Variants in KCNK9 observed in about 807,000 individuals in gnomAD.
The protein encoded by KCNK9 is potassium channel subfamily K member 9.
A neutral mutation model predicts 10.8 loss-of-function variants in KCNK9; 1 was observed. That is an observed-to-expected ratio of 0.09 (90% CI 0.03 to 0.44). The LOEUF is 0.44. KCNK9 is among the 20% of genes least tolerant of loss of function. The pLI is 0.97. For missense variants in KCNK9, 303 were observed against 515.0 expected, an observed-to-expected ratio of 0.59 and a Z score of 3.98; for synonymous variants, 231 against 222.7, an observed-to-expected ratio of 1.04 and a Z score of -0.33.
At chr8:139,671,112 G>A (rs1484344760) in intron 1 of KCNK9, among the ~76,000 whole-genome samples, 1 of 152,238 alleles carries the variant, frequency 6.6e-6, no homozygotes, top group Non-Finnish European at 1.5e-5. Flanking sequence ...CCAGAAGGAA[G>A]CGTAACCACA....
At chr8:139,610,813 C>T (rs1814400951), downstream of KCNK9, among the ~76,000 whole-genome samples, 1 of 152,206 alleles carries the variant, frequency 6.6e-6, no homozygotes, top group Non-Finnish European at 1.5e-5. Context: ...AGAAGAGTGG[C>T]TTGAATGACT....
chr8:139,700,485 TACACAC>T (rs374444340), intron 1 of KCNK9, among the ~76,000 whole-genome samples: 50 of 142,870 alleles, frequency 3.5e-4, no homozygotes, highest in Admixed American at 1.0e-3. Context: ...CACATACACA[TACACAC>T]ACACACACAC....
chr8:139,614,317 G>A (rs980757467), downstream of KCNK9, among the ~76,000 whole-genome samples: 1 of 152,160 alleles, frequency 6.6e-6, no homozygotes, highest in South Asian at 2.1e-4. Context: ...TTGATGGGTG[G>A]GGTTTTAATG....
intron 1 of KCNK9, among the ~76,000 whole-genome samples, chr8:139,666,526 G>A (rs1191031192): frequency 6.6e-6 from 1 of 152,214 alleles, no homozygotes. Flanking sequence ...GGATCCATCA[G>A]TCACCAAAAG....
At chr8:139,696,473 G>T (rs1347328339) in intron 1 of KCNK9, among the ~76,000 whole-genome samples, 1 of 152,226 alleles carries the variant, frequency 6.6e-6, no homozygotes, top group African/African-American at 2.4e-5. Flanking sequence ...CTTCATGGAG[G>T]CCATTGAGGC....
chr8:139,695,147 C>T (rs1183401303), intron 1 of KCNK9, among the ~76,000 whole-genome samples: 1 of 152,212 alleles, frequency 6.6e-6, no homozygotes, highest in Non-Finnish European at 1.5e-5. Flanking sequence ...TGGGACCATA[C>T]CAATGCAAGA....
intron 2 of KCNK9, among the ~76,000 whole-genome samples, chr8:139,603,861 T>C (rs1217125368): frequency 6.6e-6 from 1 of 152,088 alleles, no homozygotes; most frequent in Non-Finnish European, 1.5e-5. Context: ...AGAAGAGAAA[T>C]AGAAATTGCC....
intron 1 of KCNK9, among the ~76,000 whole-genome samples, chr8:139,640,086 A>G (rs1252821784): frequency 6.6e-6 from 1 of 151,442 alleles, no homozygotes; most frequent in Non-Finnish European, 1.5e-5. Context: ...CTCATCCCTG[A>G]CCTCCCAGGC....
chr8:139,656,466 C>A (rs543242181), intron 1 of KCNK9, among the ~76,000 whole-genome samples: 1 of 152,128 alleles, frequency 6.6e-6, no homozygotes, highest in African/African-American at 2.4e-5. Context: ...CTGTCCTGGG[C>A]GCGCTTGCCT....
chr8:139,653,369 G>A (rs1484195799), intron 1 of KCNK9, among the ~76,000 whole-genome samples: 1 of 152,038 alleles, frequency 6.6e-6, no homozygotes, highest in Admixed American at 6.6e-5. Context: ...TTAAGCCTAA[G>A]CAAAATTGAG....
At chr8:139,667,158 G>A (rs750584304) in intron 1 of KCNK9, among the ~76,000 whole-genome samples, 3 of 152,322 alleles carry the variant, frequency 2.0e-5, no homozygotes, top group South Asian at 2.1e-4. Context: ...AGAAGCGCCC[G>A]AGTGGGCTGG....
chr8:139,686,507 G>A (rs1442041195), intron 1 of KCNK9, among the ~76,000 whole-genome samples: 1 of 152,152 alleles, frequency 6.6e-6, no homozygotes, highest in African/African-American at 2.4e-5. Flanking sequence ...ACAGACATAT[G>A]AAAAAATGCA....
intron 1 of KCNK9, among the ~76,000 whole-genome samples, chr8:139,662,817 G>A (rs1816192054): frequency 7.0e-6 from 1 of 142,316 alleles, no homozygotes; most frequent in Non-Finnish European, 1.5e-5. Flanking sequence ...AGGTGCGGGG[G>A]ACAGGGGAGG....
chr8:139,670,613 G>A (rs1255730586), intron 1 of KCNK9, among the ~76,000 whole-genome samples: 1 of 152,066 alleles, frequency 6.6e-6, no homozygotes, highest in Non-Finnish European at 1.5e-5. Context: ...ATCAATTTGG[G>A]TTTCGGAGAG....
chr8:139,623,398 G>C (rs1586637815), intron 1 of KCNK9, among the ~76,000 whole-genome samples: 1 of 152,134 alleles, frequency 6.6e-6, no homozygotes, highest in Non-Finnish European at 1.5e-5. Flanking sequence ...CCTGCTCTTG[G>C]CACAGGGGAT....
chr8:139,646,220 G>T (rs1815672304), intron 1 of KCNK9, among the ~76,000 whole-genome samples: 2 of 152,320 alleles, frequency 1.3e-5, no homozygotes, highest in South Asian at 4.1e-4. Flanking sequence ...AAACACTGTG[G>T]GCATCACCCT....
chr8:139,634,013 G>A (rs1257380799), intron 1 of KCNK9, among the ~76,000 whole-genome samples: 1 of 152,244 alleles, frequency 6.6e-6, no homozygotes, highest in East Asian at 1.9e-4. Context: ...ATTTGTGCCT[G>A]CCGCATACAG....
intron 1 of KCNK9, among the ~76,000 whole-genome samples, chr8:139,642,902 T>C (rs556010276): frequency 3.3e-5 from 5 of 152,194 alleles, no homozygotes; most frequent in Non-Finnish European, 7.4e-5. Flanking sequence ...AGCATAGCTG[T>C]TGGCAGAACA....
intron 1 of KCNK9, among the ~76,000 whole-genome samples, chr8:139,672,583 G>A (rs1816453762): frequency 6.6e-6 from 1 of 152,182 alleles, no homozygotes; most frequent in South Asian, 2.1e-4. Context: ...CATGGCAACG[G>A]CCCCTCGCCT....
Sources: gnomAD v4.1 joint callset for allele counts (sites outside exome capture counted in the v4.1 genomes callset) on GRCh38, gnomAD v4.1.1 for gene constraint, MANE v1.5 for transcripts, NCBI Gene and HGNC (gene_info 2026-07-23, HGNC 2026-07-21) for gene names.